Variants in ZNF829 observed in about 807,000 individuals in gnomAD.
The protein encoded by ZNF829 is zinc finger protein 829.
ZNF829 carries 25 observed loss-of-function variants against 35.2 expected under a neutral mutation model. That is an observed-to-expected ratio of 0.71 (90% CI 0.52 to 0.99). ZNF829 has a LOEUF of 0.99. ZNF829 is among the 50% of genes least tolerant of loss of function. The pLI is 0.00. For missense variants in ZNF829, 417 were observed against 515.3 expected (o/e 0.81, Z 1.85); for synonymous variants, 136 against 163.2 (o/e 0.83, Z 1.27).
At chr19:36,900,145 A>AACACACAC (rs56218050) in intron 5 of ZNF829, among the ~76,000 whole-genome samples, 100 of 120,492 alleles carry the variant, frequency 8.3e-4, no homozygotes, top group Middle Eastern at 4.0e-3. Flanking sequence ...GTCTCTACTA[A>AACACACAC]ACACACACAC....
intron 3 of ZNF829, among the ~76,000 whole-genome samples, chr19:36,910,902 A>G (rs1227564): frequency 0.59 from 89,696 of 151,818 alleles, 27,571 homozygotes; most frequent in African/African-American, 0.75. Context: ...AGCTACTCAG[A>G]AGGCCAAGGC....
At chr19:36,893,411 A>T (rs1468780186) in intron 5 of ZNF829, among the ~76,000 whole-genome samples, 1 of 152,180 alleles carries the variant, frequency 6.6e-6, no homozygotes, top group Non-Finnish European at 1.5e-5. Context: ...GATAGGATGA[A>T]ATGTACTCTA....
chr19:36,888,807 CT>C lies in ZNF829; in HGVS notation c.*2684del, dbSNP rs2073022712. The C allele has an allele frequency of 6.6e-6, 1 of 152,022 alleles. No individual in the cohort carries two copies. The allele number at this position is 152,022 out of a possible 1,614,324, so 9.4% of individuals were successfully genotyped here. Reference sequence around the variant, plus strand: ...ACCTCCCACATTCAAGCAATTTGCTCTGTTGCCCAGGCTGGAGTGCAATGGC... The same window carrying C: ...ACCTCCCACATTCAAGCAATTTGCTCGTTGCCCAGGCTGGAGTGCAATGGC... On this transcript the variant is annotated 3_prime_UTR_variant, in exon 6 of 6. Transcript: ENST00000391711.
chr19:36,895,244 A>C (rs1028644861), intron 5 of ZNF829, among the ~76,000 whole-genome samples: 1 of 152,202 alleles, frequency 6.6e-6, no homozygotes, highest in Non-Finnish European at 1.5e-5. Context: ...AATGAAGGAG[A>C]AAGTTTTTCC....
At position 36,915,124 on chromosome 19, in the gene ZNF829, A is replaced by AC. The variant is rs762575426; in HGVS notation, c.38+5dup. The AC allele has an allele frequency of 6.5e-5, 105 of 1,614,082 alleles. 1 individual carries two copies. The East Asian group carries it at 2.3e-3, about 35-fold the overall frequency. On this transcript the variant is annotated splice_donor_region_variant and intron_variant, in intron 2 of 5. Coordinates refer to ENST00000391711, the MANE Select transcript of ZNF829 (RefSeq NM_001037232.4). ...GTAAGAGTTCTTCCCCAGCCCCATT[A>AC]CCCACCACACATGAGGAATGGAGAT...
intron 1 of ZNF829, 147 bp downstream of exon 1, chr19:36,915,864 C>T: frequency 1.3e-6 from 2 of 1,536,082 alleles, no homozygotes; most frequent in Non-Finnish European, 1.7e-6. Flanking sequence ...CAAACACAAC[C>T]TCCACCTTTC....
At chr19:36,892,973 G>A (rs1273121074) in intron 5 of ZNF829, 2 of 455,674 alleles carry the variant, frequency 4.4e-6, no homozygotes, top group Non-Finnish European at 7.3e-6. Context: ...CTGCTCCAGG[G>A]CATGCACCAT....
In ZNF829 at chr19:36,899,906, AT is replaced by A. The variant is rs112933950; in HGVS notation, c.320-7436del. 3.6e-3 allele frequency among the ~76,000 whole-genome samples: 551 copies of A among 151,794 alleles called. 4 individuals are homozygous for A. The highest frequency in any genetic ancestry group is 0.011 in the African/African-American group (461 of 41,434). On this transcript the variant is annotated intron_variant, in intron 5 of 5. Coordinates refer to ENST00000391711, the MANE Select transcript of ZNF829 (RefSeq NM_001037232.4). ...TTTTTAAAAAAAGGTTCATATAAAA[AT>A]TTTTTTTTAAACACATATAAAAATA...
intron 3 of ZNF829, among the ~76,000 whole-genome samples, chr19:36,913,180 A>G (rs1332414679): frequency 6.6e-6 from 1 of 152,224 alleles, no homozygotes; most frequent in Non-Finnish European, 1.5e-5. Context: ...CCTCTTTAAA[A>G]GAAATTCAGA....
chr19:36,912,075 TA>T (rs2073269071), intron 3 of ZNF829, among the ~76,000 whole-genome samples: 1 of 152,230 alleles, frequency 6.6e-6, no homozygotes, highest in South Asian at 2.1e-4. Context: ...ACCCCTGCTC[TA>T]ATCTCATAGG....
intron 5 of ZNF829, among the ~76,000 whole-genome samples, chr19:36,896,531 G>A (rs1204337474): frequency 1.3e-5 from 2 of 151,834 alleles, no homozygotes; most frequent in African/African-American, 2.4e-5. Context: ...TAATAGTACG[G>A]GATTTGAACA....
chr19:36,915,030 A>G lies in ZNF829; in HGVS notation c.39-8T>C, dbSNP rs1568373974. The G allele has an allele frequency of 6.2e-7, 1 of 1,614,186 alleles. No individual in the cohort carries two copies. The highest frequency in any genetic ancestry group is 8.5e-7 in the Non-Finnish European group (1 of 1,180,034). ...TCCTCTTCTGGGTGACACCTGGAGA[A>G]AGGTAAAATTGGGAGAGGGAAGAGT... On this transcript the variant is annotated splice_polypyrimidine_tract_variant and splice_region_variant and intron_variant, in intron 2 of 5. Transcript: ENST00000391711.
chr19:36,912,699 T>C (rs928513562), intron 3 of ZNF829: 8 of 152,174 alleles, frequency 5.3e-5, no homozygotes, highest in African/African-American at 1.9e-4. Flanking sequence ...TTTTATTTCT[T>C]TTAAAATTTA....
chr19:36,912,163 A>C (rs2073269964), intron 3 of ZNF829, among the ~76,000 whole-genome samples: 1 of 152,176 alleles, frequency 6.6e-6, no homozygotes, highest in African/African-American at 2.4e-5. Context: ...GTCCCTTTTC[A>C]TACTTTGCAA....
chr19:36,908,269 C>G (rs2073235221), intron 4 of ZNF829, 64 bp downstream of exon 4: 1 of 1,549,804 alleles, frequency 6.5e-7, no homozygotes, highest in South Asian at 1.2e-5. Context: ...GCAAATAATT[C>G]ACAATGGAGA....
chr19:36,914,868 A>G lies in ZNF829; in HGVS notation c.96+97T>C, dbSNP rs1281197816. On this transcript the variant is annotated intron_variant, in intron 3 of 5. Transcript: ENST00000391711. ...TTCAGCAAGCATAAGTGGAGCAACC[A>G]TCCTTTTCTGTGATGGGAAAATTAT... 5 of 1,168,952 alleles carry G rather than the reference A, an allele frequency of 4.3e-6. No homozygotes were observed. In the Admixed American group the frequency reaches 9.6e-5, roughly 23 times the overall value. 72.4% of individuals were successfully genotyped at this position (1,168,952 alleles called of 1,614,324 possible).
intron 5 of ZNF829, among the ~76,000 whole-genome samples, chr19:36,896,940 C>T (rs2073118847): frequency 6.6e-6 from 1 of 152,104 alleles, no homozygotes. Flanking sequence ...GCTAACAAAT[C>T]AGATAACCTA....
intron 3 of ZNF829, among the ~76,000 whole-genome samples, chr19:36,913,600 A>G (rs2073281893): frequency 1.3e-5 from 2 of 152,178 alleles, no homozygotes; most frequent in African/African-American, 4.8e-5. Context: ...AAAACCAAAA[A>G]GAGATAAGAC....
intron 5 of ZNF829, chr19:36,906,522 C>T (rs1462093846): frequency 6.6e-6 from 1 of 152,124 alleles, no homozygotes; most frequent in African/African-American, 2.4e-5. Context: ...CAATAGTAAC[C>T]TTCATACTGC....
Sources: gnomAD v4.1 joint callset for allele counts (sites outside exome capture counted in the v4.1 genomes callset) on GRCh38, gnomAD v4.1.1 for gene constraint, MANE v1.5 for transcripts, NCBI Gene and HGNC (gene_info 2026-07-23, HGNC 2026-07-21) for gene names.